The following KCND2 variants were observed in gnomAD, a reference collection of about 807,000 sequenced individuals.
The protein encoded by KCND2 is potassium voltage-gated channel subfamily D member 2, also known as A-type voltage-gated potassium channel KCND2.
A neutral mutation model predicts 54.4 loss-of-function variants in KCND2; 16 were observed. That is an observed-to-expected ratio of 0.29 (90% confidence interval 0.20 to 0.45). The LOEUF is 0.45. KCND2 is among the 20% of genes least tolerant of loss of function. The pLI, the probability that KCND2 is intolerant of heterozygous loss-of-function variation, is 1.00. For synonymous variants in KCND2, 317 were observed against 310.7 expected (o/e 1.02, Z -0.21); for missense variants, 486 against 824.2 (o/e 0.59, Z 5.02).
chr7:120,359,654 G>T (rs1350882606), intron 1 of KCND2, among the ~76,000 whole-genome samples: 1 of 152,066 alleles, frequency 6.6e-6, no homozygotes, highest in African/African-American at 2.4e-5. Context: ...ACTTAATATG[G>T]GAAAAGTTTC....
chr7:120,590,931 C>T (rs1221253999), intron 1 of KCND2, among the ~76,000 whole-genome samples: 1 of 151,982 alleles, frequency 6.6e-6, no homozygotes, highest in Non-Finnish European at 1.5e-5. Flanking sequence ...GAAAAACTGT[C>T]TTGTGTTTAT....
intron 1 of KCND2, among the ~76,000 whole-genome samples, chr7:120,362,155 A>T (rs1008297883): frequency 5.9e-5 from 9 of 152,164 alleles, no homozygotes; most frequent in African/African-American, 1.2e-4. Flanking sequence ...TAGTAGAAGA[A>T]AGAGCTGCTG....
intron 3 of KCND2, 32 bp from the exon 4 acceptor site, chr7:120,742,478 A>G: frequency 6.4e-7 from 1 of 1,561,946 alleles, no homozygotes; most frequent in Non-Finnish European, 8.8e-7. Flanking sequence ...CAAATAAAAT[A>G]GAAAGCTCTT....
intron 1 of KCND2, among the ~76,000 whole-genome samples, chr7:120,455,235 T>C (rs6943313): frequency 0.25 from 38,410 of 151,962 alleles, 6,623 homozygotes; most frequent in East Asian, 0.56. Context: ...CCAAGTTAAT[T>C]CTAAGAGAAA....
At chr7:120,361,440 C>T (rs1800591644) in intron 1 of KCND2, among the ~76,000 whole-genome samples, 2 of 150,574 alleles carry the variant, frequency 1.3e-5, no homozygotes, top group Non-Finnish European at 3.0e-5. Context: ...AGAAATAAAA[C>T]ATAAGTCAAT....
chr7:120,694,542 G>A (rs1335682643), intron 1 of KCND2, among the ~76,000 whole-genome samples: 2 of 152,160 alleles, frequency 1.3e-5, no homozygotes, highest in Non-Finnish European at 2.9e-5. Context: ...AGATGCCTCT[G>A]TTCCAGTGGA....
At chr7:120,722,910 G>C (rs1459008123) in intron 1 of KCND2, among the ~76,000 whole-genome samples, 1 of 152,132 alleles carries the variant, frequency 6.6e-6, no homozygotes, top group East Asian at 1.9e-4. Flanking sequence ...AGTTCCAGGG[G>C]TGTCAGCAAG....
chr7:120,747,511 A>G (rs995216641), intron 5 of KCND2, among the ~76,000 whole-genome samples, 170 bp from the exon 6 acceptor site: 2 of 152,114 alleles, frequency 1.3e-5, no homozygotes, highest in African/African-American at 4.8e-5. Context: ...GTTAATTACT[A>G]TGTTCATCTT....
chr7:120,519,149 G>C (rs909973126), intron 1 of KCND2, among the ~76,000 whole-genome samples: 2 of 151,934 alleles, frequency 1.3e-5, no homozygotes, highest in African/African-American at 4.8e-5. Flanking sequence ...TCAACGTGGT[G>C]AAAACCCTTC....
At chr7:120,321,475 A>G (rs1799892329) in intron 1 of KCND2, among the ~76,000 whole-genome samples, 1 of 152,112 alleles carries the variant, frequency 6.6e-6, no homozygotes, top group Non-Finnish European at 1.5e-5. Flanking sequence ...TTTTTAACAT[A>G]ATTTGTCTAA....
chr7:120,655,550 G>T (rs1584871386), intron 1 of KCND2, among the ~76,000 whole-genome samples: 1 of 152,092 alleles, frequency 6.6e-6, no homozygotes, highest in East Asian at 1.9e-4. Flanking sequence ...GTAGTTGAAG[G>T]GGAATATAGT....
intron 1 of KCND2, among the ~76,000 whole-genome samples, chr7:120,307,535 GA>G (rs1404368988): frequency 1.3e-5 from 2 of 152,022 alleles, no homozygotes; most frequent in African/African-American, 4.8e-5. Flanking sequence ...ATAATTCCAA[GA>G]ACTGGAAGTT....
chr7:120,323,156 C>G (rs1584729858), intron 1 of KCND2, among the ~76,000 whole-genome samples: 1 of 152,042 alleles, frequency 6.6e-6, no homozygotes, highest in South Asian at 2.1e-4. Flanking sequence ...TTACCTCCCA[C>G]CCCCGACAGG....
intron 1 of KCND2, among the ~76,000 whole-genome samples, chr7:120,538,826 G>T (rs802377): frequency 0.065 from 9,932 of 152,132 alleles, 879 homozygotes; most frequent in East Asian, 0.45. Context: ...GGTGAGAAGG[G>T]CCCTGTATTC....
intron 1 of KCND2, among the ~76,000 whole-genome samples, chr7:120,532,183 T>C (rs1350988175): frequency 6.6e-6 from 1 of 152,100 alleles, no homozygotes; most frequent in Non-Finnish European, 1.5e-5. Flanking sequence ...TTTAAATACA[T>C]CATTTCTTTT....
intron 1 of KCND2, among the ~76,000 whole-genome samples, chr7:120,631,711 T>G (rs1793236296): frequency 6.6e-6 from 1 of 152,166 alleles, no homozygotes; most frequent in Admixed American, 6.5e-5. Flanking sequence ...ATAGAAAATG[T>G]GGACAAGTAA....
chr7:120,642,548 C>T (rs936369447), intron 1 of KCND2, among the ~76,000 whole-genome samples: 83 of 144,446 alleles, frequency 5.7e-4, no homozygotes, highest in African/African-American at 2.0e-3. Flanking sequence ...ATTGATAATT[C>T]GTCTCAATAA....
intron 1 of KCND2, among the ~76,000 whole-genome samples, chr7:120,394,110 A>G (rs1002427154): frequency 1.3e-5 from 2 of 151,998 alleles, no homozygotes; most frequent in South Asian, 2.1e-4. Flanking sequence ...GCATAGACAA[A>G]ATCAATTCAC....
chr7:120,371,717 A>G (rs1279086848), intron 1 of KCND2, among the ~76,000 whole-genome samples: 2 of 151,914 alleles, frequency 1.3e-5, no homozygotes, highest in Non-Finnish European at 2.9e-5. Context: ...TTATATTTAG[A>G]GACATAAATA....
Sources: allele counts gnomAD v4.1 joint callset (sites outside exome capture counted in the v4.1 genomes callset), GRCh38; gene constraint gnomAD v4.1.1; transcripts MANE v1.5; gene names NCBI Gene and HGNC (gene_info 2026-07-23, HGNC 2026-07-21).